Variants in NAA25 observed in about 807,000 individuals in gnomAD.
NAA25 encodes N-alpha-acetyltransferase 25, NatB auxiliary subunit.
Under a neutral mutation model 132.5 loss-of-function variants are expected in NAA25, and 30 were observed. The ratio of observed to expected loss-of-function variants is 0.23; its 90% confidence interval spans 0.17 to 0.31. The LOEUF (loss-of-function observed/expected upper bound fraction) is 0.31. Among genes scored for constraint, NAA25 ranks in the 10% least tolerant of loss-of-function variants. The probability of loss-of-function intolerance (pLI) is 1.00; values close to 1 mark genes in which losing one functional copy is unlikely to be tolerated. For synonymous variants in NAA25, 359 were observed against 401.9 expected (o/e 0.89, Z 1.28); for missense variants, 771 against 1,150.4 (o/e 0.67, Z 4.77).
chr12:112,059,102 A>C (rs1450478942), intron 13 of NAA25, among the ~76,000 whole-genome samples: 7 of 88,732 alleles, frequency 7.9e-5, no homozygotes, highest in East Asian at 4.3e-3. Flanking sequence ...AAAAAAAAAA[A>C]AAAAAAAAAA....
intron 22 of NAA25, among the ~76,000 whole-genome samples, chr12:112,038,480 T>G (rs1226021079): frequency 1.3e-5 from 2 of 152,182 alleles, no homozygotes; most frequent in Non-Finnish European, 2.9e-5. Flanking sequence ...AAATGAGAGA[T>G]AAAACAAATG....
chr12:112,083,540 A>G (rs1716458684), intron 4 of NAA25, among the ~76,000 whole-genome samples: 1 of 151,932 alleles, frequency 6.6e-6, no homozygotes, highest in Non-Finnish European at 1.5e-5. Flanking sequence ...AGAAAAAAAA[A>G]AGATACAGCA....
At chr12:112,096,489 ACTT>A (rs1489905503) in intron 1 of NAA25, among the ~76,000 whole-genome samples, 1 of 152,152 alleles carries the variant, frequency 6.6e-6, no homozygotes, top group South Asian at 2.1e-4. Flanking sequence ...AGTTCAATGC[ACTT>A]AATGCACTTA....
At chr12:112,052,178 C>T (rs755915090) in intron 15 of NAA25, among the ~76,000 whole-genome samples, 1 of 151,790 alleles carries the variant, frequency 6.6e-6, no homozygotes, top group Non-Finnish European at 1.5e-5. Flanking sequence ...CTCTTGAAAA[C>T]AGGAGGGCAA....
At chr12:112,089,151 A>G (rs1474478156) in intron 3 of NAA25, among the ~76,000 whole-genome samples, 1 of 152,186 alleles carries the variant, frequency 6.6e-6, no homozygotes, top group Non-Finnish European at 1.5e-5. Flanking sequence ...CTATAATCCC[A>G]GCACTTTGGG....
At chr12:112,032,075 T>C (rs892915266) in intron 23 of NAA25, among the ~76,000 whole-genome samples, 7 of 151,844 alleles carry the variant, frequency 4.6e-5, no homozygotes, top group Non-Finnish European at 7.4e-5. Flanking sequence ...AACATTCCCC[T>C]GCCTCAGCCT....
chr12:112,092,066 C>T (rs2079138843), intron 2 of NAA25, among the ~76,000 whole-genome samples: 1 of 151,944 alleles, frequency 6.6e-6, no homozygotes, highest in African/African-American at 2.4e-5. Flanking sequence ...CGGTGAAACC[C>T]CGTCTCTACT....
At chr12:112,100,327 A>T (rs2079274721) in intron 1 of NAA25, among the ~76,000 whole-genome samples, 1 of 151,692 alleles carries the variant, frequency 6.6e-6, no homozygotes, top group African/African-American at 2.4e-5. Flanking sequence ...AGGCCTGGCT[A>T]ATTTTTTTGT....
At chr12:112,072,285 A>T (rs1013444506) in intron 9 of NAA25, among the ~76,000 whole-genome samples, 2 of 152,164 alleles carry the variant, frequency 1.3e-5, no homozygotes, top group Non-Finnish European at 2.9e-5. Flanking sequence ...TTACCTTTTT[A>T]AAAAAAGAAT....
chr12:112,082,824 T>C (rs538162471), intron 4 of NAA25, among the ~76,000 whole-genome samples: 23 of 151,708 alleles, frequency 1.5e-4, no homozygotes, highest in Non-Finnish European at 2.8e-4. Context: ...ACGATACATA[T>C]AAAACTACAA....
chr12:112,029,615 C>T lies in NAA25; in HGVS notation c.2835G>A (p.Val945=), dbSNP rs2078123810. ...GAAGTGAGTGCAGATAACTGCTCTG[C>T]ACCTTCCCTTGCACAGTCTTTGAAA... ...RKFSKTVQGK[V]QSSYLHSLLE... is the part of the protein sequence containing the mutation. Residue 945 remains valine, a synonymous_variant, in exon 24 of 24, where the codon GTG becomes GTA. Coordinates refer to ENST00000261745, the MANE Select transcript of NAA25 (RefSeq NM_024953.4). The T allele has an allele frequency of 6.2e-7, 1 of 1,613,878 alleles. No individual in the cohort carries two copies. Among genetic ancestry groups the T allele is most frequent in the East Asian group, 2.2e-5 (1 of 44,872 alleles).
intron 13 of NAA25, 78 bp from the exon 14 acceptor site, chr12:112,054,646 T>C (rs1007900803): frequency 4.1e-5 from 54 of 1,316,028 alleles, no homozygotes; most frequent in Non-Finnish European, 1.9e-5. Context: ...CAAAACCTTA[T>C]TGACATCATC....
intron 11 of NAA25, among the ~76,000 whole-genome samples, chr12:112,067,584 C>T (rs989109344): frequency 6.6e-5 from 10 of 152,038 alleles, no homozygotes; most frequent in African/African-American, 2.4e-4. Context: ...GTGGCATGTG[C>T]CTGTAGTCCC....
chr12:112,087,094 T>C (rs929539483), intron 4 of NAA25, among the ~76,000 whole-genome samples: 1 of 152,102 alleles, frequency 6.6e-6, no homozygotes, highest in African/African-American at 2.4e-5. Context: ...TCTGAGATGT[T>C]AGCTTTACCC....
At chr12:112,071,477 G>A (rs58886972) in intron 10 of NAA25, among the ~76,000 whole-genome samples, 14,374 of 152,088 alleles carry the variant, frequency 0.095, 763 homozygotes, top group East Asian at 0.23. Flanking sequence ...GACTACAGAT[G>A]TGCGTCATTA....
chr12:112,032,189 A>G (rs1465582127), intron 23 of NAA25, among the ~76,000 whole-genome samples: 2 of 151,844 alleles, frequency 1.3e-5, no homozygotes, highest in Non-Finnish European at 2.9e-5. Context: ...GATGGTCTCC[A>G]TCTCCTGACT....
At chr12:112,068,340 T>C (rs915801571) in intron 11 of NAA25, among the ~76,000 whole-genome samples, 1 of 152,162 alleles carries the variant, frequency 6.6e-6, no homozygotes, top group Non-Finnish European at 1.5e-5. Flanking sequence ...GGTGGGACTG[T>C]TCTGTATCTT....
intron 11 of NAA25, among the ~76,000 whole-genome samples, chr12:112,062,239 A>G (rs1305441071): frequency 6.6e-6 from 1 of 151,966 alleles, no homozygotes; most frequent in East Asian, 1.9e-4. Flanking sequence ...TCTACTAAAA[A>G]TACACAAAAA....
Position 112,054,654 on chromosome 12 carries a change from AT to A in NAA25, c.1448-87del, listed in dbSNP as rs2078517256. On this transcript the variant is annotated intron_variant, in intron 13 of 23. Coordinates refer to ENST00000261745, the MANE Select transcript of NAA25 (RefSeq NM_024953.4). Reference sequence around the variant, plus strand: ...CAAAAAACAAAACCTTATTGACATCATCACCCCCCCCAATAAATGAAGTTAA... The same window carrying A: ...CAAAAAACAAAACCTTATTGACATCACACCCCCCCCAATAAATGAAGTTAA... 2.5e-6 allele frequency: 3 copies of A among 1,180,294 alleles called. No individual in the cohort carries two copies. In the East Asian group the frequency reaches 7.6e-5, roughly 30 times the overall value. 73.1% of individuals were successfully genotyped at this position (1,180,294 alleles called of 1,614,324 possible).
Sources: allele counts gnomAD v4.1 joint callset (sites outside exome capture counted in the v4.1 genomes callset), GRCh38; gene constraint gnomAD v4.1.1; transcripts MANE v1.5; gene names NCBI Gene and HGNC (gene_info 2026-07-23, HGNC 2026-07-21).